FAT3: variants seen among roughly 807,000 people sequenced by gnomAD.
The protein encoded by FAT3 is FAT atypical cadherin 3.
A neutral mutation model predicts 310.2 loss-of-function variants in FAT3; 95 were observed. That is an observed-to-expected ratio of 0.31 (90% CI 0.26 to 0.36). The LOEUF is 0.36. Ranked by LOEUF, FAT3 falls within the 10% of genes least tolerant of loss-of-function variation. FAT3 has a pLI of 1.00. For missense variants in FAT3, 5,408 were observed against 5,715.6 expected, an observed-to-expected ratio of 0.95 and a Z score of 1.74; for synonymous variants, 2,314 against 2,192.9, an observed-to-expected ratio of 1.06 and a Z score of -1.54.
intron 22 of FAT3, among the ~76,000 whole-genome samples, chr11:92,875,940 G>T (rs1949521706): frequency 6.6e-6 from 1 of 152,190 alleles, no homozygotes; most frequent in Non-Finnish European, 1.5e-5. Flanking sequence ...ACATCAAATT[G>T]CTTCTCTGCC....
chr11:92,594,131 A>G (rs1353656483), intron 3 of FAT3, among the ~76,000 whole-genome samples: 4 of 152,138 alleles, frequency 2.6e-5, no homozygotes, highest in African/African-American at 9.7e-5. Context: ...CCATCCTGTA[A>G]CGTACACTGC....
chr11:92,255,342 A>T (rs1202385), intron 1 of FAT3, among the ~76,000 whole-genome samples: 41,356 of 138,172 alleles, frequency 0.3, 6,248 homozygotes, highest in South Asian at 0.5. Flanking sequence ...GTTTTTTTTT[A>T]AAAAAAAAAA....
At chr11:92,599,425 A>G (rs1939895534) in intron 3 of FAT3, among the ~76,000 whole-genome samples, 1 of 152,154 alleles carries the variant, frequency 6.6e-6, no homozygotes, top group Non-Finnish European at 1.5e-5. Context: ...ATGACCTCCT[A>G]CTAGGTTCCT....
chr11:92,237,227 C>T (rs1452774067), intron 1 of FAT3, among the ~76,000 whole-genome samples: 1 of 152,102 alleles, frequency 6.6e-6, no homozygotes, highest in Non-Finnish European at 1.5e-5. Context: ...AGTTAATTCA[C>T]AGTTCTTTAG....
intron 12 of FAT3, among the ~76,000 whole-genome samples, chr11:92,808,382 A>G (rs1396152582): frequency 1.3e-5 from 2 of 152,242 alleles, no homozygotes; most frequent in African/African-American, 4.8e-5. Flanking sequence ...GAACTCAGCC[A>G]GGATTCTCAG....
rs757763673 is a variant in FAT3, at chr11:92,834,910, C to T, written c.9912C>T (p.Cys3304=). ...CTGAAGTCCTGGACTATGAATTATG[C>T]AAAAGGTTTTACCTGGTAGTGGAAG... ...SVSEVLDYEL[C]KRFYLVVEAK... Residue 3304 remains cysteine (C), a synonymous_variant, in exon 15 of 28, where the codon TGC becomes TGT. Coordinates refer to ENST00000525166, the MANE Select transcript of FAT3 (RefSeq NM_001367949.2). 2.5e-6 allele frequency: 4 copies of T among 1,612,740 alleles called. No homozygotes were observed. The Admixed American group carries it at 6.7e-5, about 27-fold the overall frequency.
intron 3 of FAT3, among the ~76,000 whole-genome samples, chr11:92,563,277 C>G (rs970045313): frequency 6.6e-6 from 1 of 152,030 alleles, no homozygotes; most frequent in African/African-American, 2.4e-5. Flanking sequence ...ATATAAGCAA[C>G]AGCAAATATG....
At chr11:92,855,774 A>T (rs1324686847) in intron 19 of FAT3, among the ~76,000 whole-genome samples, 1 of 152,136 alleles carries the variant, frequency 6.6e-6, no homozygotes, top group East Asian at 1.9e-4. Context: ...ATCTTCTAAG[A>T]CTTTGTAAGC....
intron 26 of FAT3, 95 bp downstream of exon 26, chr11:92,889,343 G>T (rs1248233384): frequency 1.9e-6 from 1 of 533,316 alleles, no homozygotes; most frequent in South Asian, 3.0e-5. Flanking sequence ...CACAGAGGGG[G>T]CAATAAACAG....
chr11:92,528,414 G>T (rs1473395563), intron 3 of FAT3, among the ~76,000 whole-genome samples: 2 of 152,262 alleles, frequency 1.3e-5, no homozygotes, highest in South Asian at 4.1e-4. Flanking sequence ...CTTCCTTCCA[G>T]TTCGCTCAGT....
intron 2 of FAT3, among the ~76,000 whole-genome samples, chr11:92,412,386 C>T (rs1950292644): frequency 6.8e-6 from 1 of 146,824 alleles, no homozygotes; most frequent in African/African-American, 2.5e-5. Flanking sequence ...CAGGCATGAG[C>T]CACCAGACCC....
chr11:92,547,223 T>C (rs900915586), intron 3 of FAT3, among the ~76,000 whole-genome samples: 1 of 152,168 alleles, frequency 6.6e-6, no homozygotes, highest in East Asian at 1.9e-4. Context: ...CAGCCGCTAT[T>C]TAATCCCAAC....
intron 3 of FAT3, among the ~76,000 whole-genome samples, chr11:92,554,556 C>T (rs1487545430): frequency 6.9e-6 from 1 of 145,284 alleles, no homozygotes; most frequent in East Asian, 2.0e-4. Flanking sequence ...AGAGGGGATA[C>T]TGTAGAAGTA....
chr11:92,793,945 AAAGTTCTTTCATTGAATGAT>A (rs1349662374), intron 9 of FAT3, among the ~76,000 whole-genome samples: 1 of 152,200 alleles, frequency 6.6e-6, no homozygotes, highest in African/African-American at 2.4e-5. Flanking sequence ...CTAAAAAAAA[AAAGTTCTTTCATTGAATGAT>A]AACTTAGAAC....
chr11:92,267,580 A>G (rs573112167), intron 1 of FAT3, among the ~76,000 whole-genome samples: 2 of 152,022 alleles, frequency 1.3e-5, no homozygotes, highest in Non-Finnish European at 2.9e-5. Context: ...AGAAAAAAAA[A>G]AAAGTGGTGG....
At chr11:92,495,241 T>C (rs1490495358) in intron 2 of FAT3, among the ~76,000 whole-genome samples, 1 of 152,074 alleles carries the variant, frequency 6.6e-6, no homozygotes, top group East Asian at 1.9e-4. Context: ...GTATTCTTTA[T>C]GAGTAGATGA....
intron 3 of FAT3, among the ~76,000 whole-genome samples, chr11:92,620,017 C>T (rs375233113): frequency 1.8e-4 from 28 of 152,210 alleles, no homozygotes; most frequent in African/African-American, 6.5e-4. Context: ...TACTGCATCT[C>T]ATAAGTTGTG....
At chr11:92,556,179 A>G (rs527653159) in intron 3 of FAT3, among the ~76,000 whole-genome samples, 1 of 152,352 alleles carries the variant, frequency 6.6e-6, no homozygotes, top group East Asian at 1.9e-4. Flanking sequence ...CATATCAAGT[A>G]AAGGCTATTC....
At chr11:92,629,358 C>T (rs1343156156) in intron 3 of FAT3, among the ~76,000 whole-genome samples, 1 of 151,654 alleles carries the variant, frequency 6.6e-6, no homozygotes, top group African/African-American at 2.4e-5. Context: ...GATATCTCTG[C>T]CTGGGATCAT....
Sources: gnomAD v4.1 joint callset for allele counts (sites outside exome capture counted in the v4.1 genomes callset) on GRCh38, gnomAD v4.1.1 for gene constraint, MANE v1.5 for transcripts, NCBI Gene and HGNC (gene_info 2026-07-23, HGNC 2026-07-21) for gene names.